AMMECR1: variants seen among roughly 807,000 people sequenced by gnomAD.
AMMECR1 encodes nuclear protein AMMECR1.
A neutral mutation model predicts 22.5 loss-of-function variants in AMMECR1; 3 were observed. The ratio of observed to expected loss-of-function variants is 0.13; its 90% CI spans 0.06 to 0.35. AMMECR1 has a LOEUF of 0.35. Among genes scored for constraint, AMMECR1 ranks in the 10% least tolerant of loss-of-function variants. The pLI is 1.00. For synonymous variants in AMMECR1, 130 were observed against 116.7 expected (o/e 1.11, Z -0.74); for missense variants, 235 against 278.7 (o/e 0.84, Z 1.12).
rs981881665 is a variant in AMMECR1 at position 110,428,260 on chromosome X, C to T, written c.-293-1457G>A. Among the ~76,000 whole-genome samples the T allele has an allele frequency of 1.2e-4, 13 of 111,587 alleles. No individual in the cohort carries two copies. The South Asian group carries it at 1.5e-3, about 13-fold the overall frequency. On this transcript the variant is annotated intron_variant, in intron 1 of 7. Coordinates refer to the AMMECR1 transcript ENST00000372057. ...TGTCTGGACCCTTTCTCTAGGCTCC[C>T]GCAACAATCTAAATGTAATCTGATC... is the stretch of plus-strand genomic sequence containing the variant.
intron 2 of AMMECR1, among the ~76,000 whole-genome samples, chrX:110,335,313 T>C (rs1005261648): frequency 2.7e-5 from 3 of 110,769 alleles, no homozygotes; most frequent in Non-Finnish European, 5.7e-5. Context: ...AAGATCTGGA[T>C]TTGCTGGCAA....
At chrX:110,222,599 A>C (rs1309527889) in intron 2 of AMMECR1, among the ~76,000 whole-genome samples, 15 of 109,424 alleles carry the variant, frequency 1.4e-4, no homozygotes, top group Admixed American at 1.4e-3. Context: ...ATTAAAAAAA[A>C]AAACCATATT....
In AMMECR1 at chrX:110,332,476, C is replaced by T. The variant is rs145287615; in HGVS notation, c.-147-14627G>A. Among the ~76,000 whole-genome samples, 113 of 112,177 alleles carry T rather than the reference C, an allele frequency of 1.0e-3. 1 individual carries two copies. The highest frequency in any genetic ancestry group is 4.7e-3 in the Middle Eastern group (1 of 214). On this transcript the variant is annotated intron_variant, in intron 2 of 7. Coordinates refer to the AMMECR1 transcript ENST00000372057. ...CAAAAATGTAGATCCATGATTACTGCTGCTTACTGGTGCCATGCCTCAAAT... is the reference window on the plus strand; with the variant it reads ...CAAAAATGTAGATCCATGATTACTGTTGCTTACTGGTGCCATGCCTCAAAT...
At chrX:110,370,213 T>C (rs1489675783) in intron 2 of AMMECR1, among the ~76,000 whole-genome samples, 1 of 111,516 alleles carries the variant, frequency 9.0e-6, no homozygotes, top group Non-Finnish European at 1.9e-5. Context: ...TTTTTATTTA[T>C]TATTATTTTT....
chrX:110,404,369 A>G (rs1396589740), intron 2 of AMMECR1, among the ~76,000 whole-genome samples: 1 of 111,675 alleles, frequency 9.0e-6, no homozygotes, highest in Non-Finnish European at 1.9e-5. Flanking sequence ...TATTACACAT[A>G]ATAGGCCTCT....
At chrX:110,434,329 G>A (rs1424624297) in intron 1 of AMMECR1, among the ~76,000 whole-genome samples, 1 of 111,379 alleles carries the variant, frequency 9.0e-6, no homozygotes, top group East Asian at 2.8e-4. Context: ...AGGCAGATTC[G>A]GGACAGACTA....
At chrX:110,285,156 G>A (rs1377746223) in intron 1 of AMMECR1, among the ~76,000 whole-genome samples, 1 of 111,969 alleles carries the variant, frequency 8.9e-6, no homozygotes, top group African/African-American at 3.2e-5. Context: ...GCTTAGAACG[G>A]TGCCTAGAAC....
intron 2 of AMMECR1, among the ~76,000 whole-genome samples, chrX:110,353,342 C>T (rs757196968): frequency 3.6e-5 from 4 of 111,595 alleles, no homozygotes; most frequent in Admixed American, 1.9e-4. Flanking sequence ...TTATTTCTTT[C>T]CTTCTGCTAA....
chrX:110,260,220 A>G (rs925737931), intron 2 of AMMECR1, among the ~76,000 whole-genome samples: 1 of 111,683 alleles, frequency 9.0e-6, no homozygotes, highest in African/African-American at 3.2e-5. Context: ...AAGGTCAGAC[A>G]AAGAATAGTC....
At chrX:110,232,825 G>A (rs1265349629) in intron 2 of AMMECR1, among the ~76,000 whole-genome samples, 1 of 99,070 alleles carries the variant, frequency 1.0e-5, no homozygotes, top group East Asian at 3.2e-4. Flanking sequence ...GGGAGGCGGA[G>A]CTTGCAATGA....
intron 2 of AMMECR1, among the ~76,000 whole-genome samples, chrX:110,324,729 G>A (rs1033507818): frequency 9.3e-6 from 1 of 108,087 alleles, no homozygotes. Context: ...AGGATCATGT[G>A]GTTTTTGTTC....
intron 2 of AMMECR1, among the ~76,000 whole-genome samples, chrX:110,414,852 C>T (rs1429051325): frequency 8.9e-6 from 1 of 112,252 alleles, no homozygotes; most frequent in African/African-American, 3.2e-5. Flanking sequence ...AATGATTTGG[C>T]CCTGTCCTTC....
intron 2 of AMMECR1, among the ~76,000 whole-genome samples, chrX:110,415,421 G>A (rs1423660125): frequency 8.9e-6 from 1 of 111,998 alleles, no homozygotes; most frequent in Admixed American, 9.5e-5. Context: ...AGTGATGGAT[G>A]CTTTTTTCCC....
At chrX:110,307,767 A>G (rs1023019262) in intron 1 of AMMECR1, among the ~76,000 whole-genome samples, 1 of 110,518 alleles carries the variant, frequency 9.0e-6, no homozygotes, top group African/African-American at 3.3e-5. Context: ...ATGGTTTTCA[A>G]TATGGTCTCT....
chrX:110,391,055 G>C (rs188912827), intron 2 of AMMECR1, among the ~76,000 whole-genome samples: 1 of 111,670 alleles, frequency 9.0e-6, no homozygotes, highest in African/African-American at 3.3e-5. Flanking sequence ...CTCTTTGCCT[G>C]TTTCCTTCCT....
chrX:110,420,506 C>T (rs1249622676), intron 2 of AMMECR1, among the ~76,000 whole-genome samples: 3 of 111,960 alleles, frequency 2.7e-5, no homozygotes, highest in Non-Finnish European at 5.6e-5. Flanking sequence ...CTGGGTAAAC[C>T]AAAGCAGTGT....
intron 2 of AMMECR1, among the ~76,000 whole-genome samples, chrX:110,378,704 A>C (rs1281609938): frequency 8.9e-6 from 1 of 111,822 alleles, no homozygotes; most frequent in African/African-American, 3.3e-5. Flanking sequence ...ATCTCCGTTC[A>C]TCAGCCTATT....
chrX:110,320,180 G>T (rs2068073625), upstream of AMMECR1, among the ~76,000 whole-genome samples: 1 of 111,979 alleles, frequency 8.9e-6, no homozygotes, highest in Non-Finnish European at 1.9e-5. Flanking sequence ...GTAAAAAAAT[G>T]CATTAATATT....
chrX:110,262,575 T>C (rs988466947), intron 2 of AMMECR1, among the ~76,000 whole-genome samples: 7 of 112,440 alleles, frequency 6.2e-5, no homozygotes, highest in African/African-American at 1.9e-4. Flanking sequence ...AGGATATAAA[T>C]GGACAAGTCC....
Sources: allele counts gnomAD v4.1 joint callset (sites outside exome capture counted in the v4.1 genomes callset), GRCh38; gene constraint gnomAD v4.1.1; transcripts MANE v1.5; gene names NCBI Gene and HGNC (gene_info 2026-07-23, HGNC 2026-07-21).